Variants in PDE1B observed in about 807,000 individuals in gnomAD.
The protein encoded by PDE1B is phosphodiesterase 1B.
A neutral mutation model predicts 66.7 loss-of-function variants in PDE1B; 13 were observed. The observed-to-expected ratio is 0.19, with a 90% CI of 0.13 to 0.31. The LOEUF (loss-of-function observed/expected upper bound fraction) is 0.31. Ranked by LOEUF, PDE1B falls within the 10% of genes least tolerant of loss-of-function variation. PDE1B has a pLI of 1.00. For missense variants in PDE1B, 485 were observed against 682.3 expected, an observed-to-expected ratio of 0.71 and a Z score of 3.22; for synonymous variants, 230 against 253.9, an observed-to-expected ratio of 0.91 and a Z score of 0.90.
intron 14 of PDE1B, 92 bp downstream of exon 14, chr12:54,576,793 C>A: frequency 7.2e-7 from 1 of 1,380,470 alleles, no homozygotes; most frequent in Non-Finnish European, 1.0e-6. Context: ...CCTGGGGAAA[C>A]CCTTTGCCGG....
At position 54,573,533 on chromosome 12, in the gene PDE1B, C is replaced by G; in HGVS notation, c.962+53C>G. On this transcript the variant is annotated intron_variant, in intron 9 of 15. Transcript: ENST00000243052. The surrounding 1 kb of genome is among the most constrained non-coding windows in gnomAD (Gnocchi z 5.2). ...CTAAGAGACTCCCTTACCACAAACT[C>G]CATTTTCCACTTCCTGGACCTCCTG... The G allele has an allele frequency of 3.7e-6, 6 of 1,613,168 alleles. No homozygotes were observed. Among genetic ancestry groups the G allele is most frequent in the Non-Finnish European group, 5.1e-6 (6 of 1,179,100 alleles).
intron 7 of PDE1B, among the ~76,000 whole-genome samples, 175 bp from the exon 8 acceptor site, chr12:54,572,973 G>A (rs2280426): frequency 0.13 from 20,456 of 152,204 alleles, 1,780 homozygotes; most frequent in East Asian, 0.3. Context: ...TTGCAGGTTC[G>A]GATGGAGGAA....
chr12:54,555,192 C>CG (rs1957328532), intron 2 of PDE1B, among the ~76,000 whole-genome samples: 1 of 152,168 alleles, frequency 6.6e-6, no homozygotes, highest in Non-Finnish European at 1.5e-5. Context: ...GGAGCAATTG[C>CG]AGTTCTGAGA....
intron 2 of PDE1B, among the ~76,000 whole-genome samples, chr12:54,557,969 G>A (rs1412947943): frequency 1.3e-5 from 2 of 152,036 alleles, no homozygotes; most frequent in Non-Finnish European, 2.9e-5. Flanking sequence ...CTGATGGAAA[G>A]GTGACTCATT....
chr12:54,556,927 C>G (rs1411802199), intron 2 of PDE1B, among the ~76,000 whole-genome samples: 2 of 152,162 alleles, frequency 1.3e-5, no homozygotes, highest in Non-Finnish European at 2.9e-5. Flanking sequence ...CTGAGTGATT[C>G]TCTGGCAGGC....
Position 54,573,137 on chromosome 12 carries a change from TC to T in PDE1B, c.736-9del. On this transcript the variant is annotated splice_polypyrimidine_tract_variant and intron_variant, in intron 7 of 15. Transcript: ENST00000243052. This position sits in a 1 kb window ranked among gnomAD's most constrained non-coding sequence, Gnocchi z 5.2. ...TCACCCCTCTCTCATTCTTTCTCTT[TC>T]CTCCTGTAGCACTGCCTGTCGGAGA... 1 of 1,606,032 alleles carries T rather than the reference TC, an allele frequency of 6.2e-7. No individual in the cohort carries two copies.
In PDE1B at chr12:54,569,412, C is replaced by G. The variant is rs921507271; in HGVS notation, c.410+46C>G. ...GCCTCCCTCTGCCTTTAGCTGTGCC[C>G]CTCTTTCCCAGCCACCCTGGTCTTC... On this transcript the variant is annotated intron_variant, in intron 4 of 15. Coordinates refer to ENST00000243052, the MANE Select transcript of PDE1B (RefSeq NM_000924.4). The surrounding 1 kb of genome is among the most constrained non-coding windows in gnomAD (Gnocchi z 4.4). 1 of 1,589,710 alleles carries G rather than the reference C, an allele frequency of 6.3e-7. No homozygotes were observed. Among genetic ancestry groups the G allele is most frequent in the Non-Finnish European group, 8.6e-7 (1 of 1,165,848 alleles).
chr12:54,575,151 A>T lies in PDE1B; in HGVS notation c.1118A>T (p.His373Leu). The T allele has an allele frequency of 6.2e-7, 1 of 1,612,902 alleles. No individual in the cohort carries two copies. The highest frequency in any genetic ancestry group is 8.5e-7 in the Non-Finnish European group (1 of 1,178,938). Residue 373 changes from histidine to leucine, a missense_variant, in exon 11 of 16, where the codon CAC becomes CTC. Physicochemically the swap from His to Leu is moderately conservative, Grantham distance 99 (BLOSUM62 -3). Coordinates refer to ENST00000243052, the MANE Select transcript of PDE1B (RefSeq NM_000924.4). This position sits in a 1 kb window ranked among gnomAD's most constrained non-coding sequence, Gnocchi z 4.0. Reference protein sequence around the residue: ...SLLLHAADISHPTKQWLVHSR... With the variant: ...SLLLHAADISLPTKQWLVHSR... ...CTGCTCCATGCTGCTGACATCAGCC[A>T]CCCAACCAAGCAGTGGTTGGTCCAC... is the stretch of plus-strand genomic sequence containing the variant.
chr12:54,577,993 G>C lies in PDE1B; in HGVS notation c.*151G>C, dbSNP rs1179631737. 1 of 154,220 alleles carries C rather than the reference G, an allele frequency of 6.5e-6. No homozygotes were observed. The highest frequency in any genetic ancestry group is 1.4e-5 in the Non-Finnish European group (1 of 69,512). The allele number at this position is 154,220 out of a possible 1,614,324, so 9.6% of individuals were successfully genotyped here. On this transcript the variant is annotated 3_prime_UTR_variant, in exon 16 of 16. Coordinates refer to ENST00000243052, the MANE Select transcript of PDE1B (RefSeq NM_000924.4). ...GCCAAATGCCAGAGATTTGGGGTTG[G>C]GGAAAGGGCCCCTCCCCACCTGACA... is the stretch of plus-strand genomic sequence containing the variant.
chr12:54,579,156 G>T lies in PDE1B; in HGVS notation c.*1314G>T. On this transcript the variant is annotated 3_prime_UTR_variant, in exon 16 of 16. Transcript: ENST00000243052. ...TTCCACCCTACCCCACCCCGAGAAG[G>T]GCAGAGACGCATGTGACTCACCCCT... 1 of 700,660 alleles carries T rather than the reference G, an allele frequency of 1.4e-6. No individual in the cohort carries two copies. The highest frequency in any genetic ancestry group is 1.8e-6 in the Non-Finnish European group (1 of 570,472). The allele number at this position is 700,660 out of a possible 1,614,324, so 43.4% of individuals were successfully genotyped here.
In PDE1B at chr12:54,573,763, C is replaced by T. The variant is rs1307837474; in HGVS notation, c.1064+54C>T. 15 of 1,303,384 alleles carry T rather than the reference C, an allele frequency of 1.2e-5. No homozygotes were observed. Among genetic ancestry groups the T allele is most frequent in the Non-Finnish European group, 1.7e-5 (15 of 899,968 alleles). The allele number at this position is 1,303,384 out of a possible 1,614,324, so 80.7% of individuals were successfully genotyped here. On this transcript the variant is annotated intron_variant, in intron 10 of 15. Transcript: ENST00000243052. The surrounding 1 kb of genome is among the most constrained non-coding windows in gnomAD (Gnocchi z 5.2). ...CAGGCCAGAGGGAGGGGTGTGTGAACTGGGGGGGTATACACAAGGGTAGTT... is the reference window on the plus strand; with the variant it reads ...CAGGCCAGAGGGAGGGGTGTGTGAATTGGGGGGGTATACACAAGGGTAGTT...
At chr12:54,565,032 TGTAGAACTG>T (rs1957489567) in intron 2 of PDE1B, among the ~76,000 whole-genome samples, 1 of 152,336 alleles carries the variant, frequency 6.6e-6, no homozygotes, top group African/African-American at 2.4e-5. Context: ...CTTTTAAAAA[TGTAGAACTG>T]GCAGCATTGT....
chr12:54,575,198 A>C lies in PDE1B; in HGVS notation c.1165A>C (p.Met389Leu). The C allele has an allele frequency of 6.2e-7, 1 of 1,613,376 alleles. No individual in the cohort carries two copies. Among genetic ancestry groups the C allele is most frequent in the South Asian group, 1.1e-5 (1 of 91,056 alleles). ...CCACAGCCGTTGGACCAAGGCCCTC[A>C]TGGAGGAATTCTTCCGTCAGGTAGC... ...LVHSRWTKAL[M>L]EEFFRQGDKE... Residue 389 changes from methionine (M) to leucine (L), a missense_variant, in exon 11 of 16, where the codon ATG (methionine) becomes CTG (leucine). Met to Leu is a conservative substitution (Grantham distance 15). Around this residue, in one of 4 missense-constraint regions of PDE1B, gnomAD observed 282 missense variants for 453.4 expected, o/e 0.62. Transcript: ENST00000243052. The surrounding 1 kb of genome is among the most constrained non-coding windows in gnomAD (Gnocchi z 4.0).
intron 2 of PDE1B, among the ~76,000 whole-genome samples, chr12:54,560,098 C>T: frequency 6.6e-6 from 1 of 152,098 alleles, no homozygotes; most frequent in East Asian, 1.9e-4. Flanking sequence ...CTGCAGCAGC[C>T]CTGCTTCACG....
At chr12:54,560,682 G>T (rs1261513179) in intron 2 of PDE1B, among the ~76,000 whole-genome samples, 3 of 152,332 alleles carry the variant, frequency 2.0e-5, no homozygotes, top group Non-Finnish European at 4.4e-5. Flanking sequence ...AAGTCTGAAG[G>T]CGGGAGAGGG....
chr12:54,551,051 T>C (rs1957270748), intron 2 of PDE1B, among the ~76,000 whole-genome samples: 1 of 152,218 alleles, frequency 6.6e-6, no homozygotes, highest in South Asian at 2.1e-4. Flanking sequence ...AGACTATGGA[T>C]GTTTAGAGAG....
chr12:54,550,055 A>C, intron 2 of PDE1B, 70 bp downstream of exon 2: 1 of 1,561,724 alleles, frequency 6.4e-7, no homozygotes, highest in Non-Finnish European at 8.7e-7. Flanking sequence ...AGGGGGGATA[A>C]CTGGAGCAGG....
intron 2 of PDE1B, among the ~76,000 whole-genome samples, chr12:54,553,535 G>T (rs1289543985): frequency 1.3e-5 from 2 of 152,198 alleles, no homozygotes; most frequent in Non-Finnish European, 2.9e-5. Flanking sequence ...TCAGAGTCTA[G>T]TGTGATACCT....
At chr12:54,564,862 T>G (rs969702890) in intron 2 of PDE1B, among the ~76,000 whole-genome samples, 7 of 152,184 alleles carry the variant, frequency 4.6e-5, no homozygotes, top group African/African-American at 1.7e-4. Context: ...GAATCCAGGA[T>G]TCCTGCCTCC....
Sources: allele counts gnomAD v4.1 joint callset (sites outside exome capture counted in the v4.1 genomes callset), GRCh38; gene constraint gnomAD v4.1.1; regional missense constraint gnomAD v4.1.1; non-coding constraint Gnocchi (gnomAD v3.1); transcripts MANE v1.5; gene names NCBI Gene and HGNC (gene_info 2026-07-23, HGNC 2026-07-21).